Variants in SPOCK3 observed in about 807,000 individuals in gnomAD.
The protein encoded by SPOCK3 is testican-3.
SPOCK3 carries 30 observed loss-of-function variants against 56.6 expected under a neutral mutation model. The ratio of observed to expected loss-of-function variants is 0.53; its 90% confidence interval spans 0.40 to 0.72. The LOEUF (loss-of-function observed/expected upper bound fraction) is 0.72, where lower values mean the gene tolerates loss of function less well. SPOCK3 is among the 30% of genes least tolerant of loss of function. The pLI is 0.00. For synonymous variants in SPOCK3, 196 were observed against 183.3 expected (o/e 1.07, Z -0.56); for missense variants, 527 against 530.0 (o/e 0.99, Z 0.06).
intron 2 of SPOCK3, among the ~76,000 whole-genome samples, chr4:167,207,228 T>C (rs1734434629): frequency 6.6e-6 from 1 of 152,112 alleles, no homozygotes; most frequent in Non-Finnish European, 1.5e-5. Flanking sequence ...GTTTATATAA[T>C]ATTGTGATTT....
At chr4:167,042,839 G>A (rs549715877) in intron 3 of SPOCK3, among the ~76,000 whole-genome samples, 3 of 152,112 alleles carry the variant, frequency 2.0e-5, no homozygotes, top group Non-Finnish European at 4.4e-5. Flanking sequence ...TGATACCTAA[G>A]GGTCAAGTAA....
At chr4:167,020,025 T>C (rs73861921) in intron 3 of SPOCK3, among the ~76,000 whole-genome samples, 4,008 of 152,174 alleles carry the variant, frequency 0.026, 160 homozygotes, top group African/African-American at 0.09. Flanking sequence ...GGAAATACTA[T>C]TGGATGTTAC....
intron 4 of SPOCK3, among the ~76,000 whole-genome samples, chr4:166,952,628 C>A (rs1437976391): frequency 2.0e-5 from 3 of 152,154 alleles, no homozygotes; most frequent in Non-Finnish European, 2.9e-5. Context: ...ATCGTCAAGG[C>A]AATCCTAAGT....
intron 4 of SPOCK3, among the ~76,000 whole-genome samples, chr4:166,941,540 A>C (rs1561034317): frequency 6.6e-6 from 1 of 152,168 alleles, no homozygotes; most frequent in South Asian, 2.1e-4. Flanking sequence ...ATCTGTGGGT[A>C]GTTGGCCTCT....
intron 7 of SPOCK3, among the ~76,000 whole-genome samples, chr4:166,767,136 C>A (rs1738199859): frequency 6.6e-6 from 1 of 152,026 alleles, no homozygotes; most frequent in Admixed American, 6.6e-5. Flanking sequence ...TTTCAAAAAA[C>A]CAGCTTCTGG....
At chr4:167,057,611 A>C (rs980062480) in intron 3 of SPOCK3, among the ~76,000 whole-genome samples, 1 of 152,130 alleles carries the variant, frequency 6.6e-6, no homozygotes, top group African/African-American at 2.4e-5. Flanking sequence ...GCAAATGGAA[A>C]ACAAAAAAAG....
intron 2 of SPOCK3, chr4:167,119,715 A>G: frequency 1.0e-6 from 1 of 1,003,748 alleles, no homozygotes; most frequent in Non-Finnish European, 1.5e-6. Flanking sequence ...ATTTAAATAG[A>G]GAACGTTATG....
intron 3 of SPOCK3, among the ~76,000 whole-genome samples, chr4:167,058,462 C>A (rs1227557273): frequency 6.6e-6 from 1 of 152,062 alleles, no homozygotes; most frequent in Non-Finnish European, 1.5e-5. Context: ...AGGACCTCTT[C>A]AAGGAGAACT....
intron 2 of SPOCK3, among the ~76,000 whole-genome samples, chr4:167,112,213 T>C (rs1346747798): frequency 6.6e-6 from 1 of 152,154 alleles, no homozygotes; most frequent in Non-Finnish European, 1.5e-5. Context: ...CTAAATCATA[T>C]GAATCCCCTA....
intron 2 of SPOCK3, among the ~76,000 whole-genome samples, chr4:167,087,192 T>C (rs142126764): frequency 0.012 from 1,851 of 152,274 alleles, 21 homozygotes; most frequent in Non-Finnish European, 0.018. Flanking sequence ...CTCTATGAGG[T>C]ACAGTTGTTA....
intron 4 of SPOCK3, among the ~76,000 whole-genome samples, chr4:166,921,596 A>C (rs1056321132): frequency 6.6e-6 from 1 of 152,084 alleles, no homozygotes; most frequent in Non-Finnish European, 1.5e-5. Flanking sequence ...GATTACAGGC[A>C]TGAGCCACTG....
intron 7 of SPOCK3, among the ~76,000 whole-genome samples, chr4:166,781,863 G>A (rs1486024441): frequency 1.3e-5 from 2 of 151,706 alleles, no homozygotes; most frequent in African/African-American, 4.8e-5. Context: ...GCATGACAGG[G>A]GTAACATGCT....
rs77702709 is a variant in SPOCK3, at chr4:166,998,646, C to G, written c.350+1703G>C. On this transcript the variant is annotated intron_variant, in intron 4 of 10. Transcript: ENST00000357545. ...ACAGACATGATATTAACTGCGACGT[C>G]TTTGGTTGCTCTTTGACTTGGGTTC... is the stretch of plus-strand genomic sequence containing the variant. 7.7e-3 allele frequency among the ~76,000 whole-genome samples: 1,171 copies of G among 152,220 alleles called. 12 individuals are homozygous for G. The highest frequency in any genetic ancestry group is 0.027 in the African/African-American group (1,101 of 41,544).
At chr4:166,838,091 C>G (rs1239808943) in intron 6 of SPOCK3, among the ~76,000 whole-genome samples, 1 of 151,824 alleles carries the variant, frequency 6.6e-6, no homozygotes, top group Admixed American at 6.6e-5. Context: ...TCATTGTTTC[C>G]CAGATTCTTT....
At chr4:167,020,666 C>A (rs1170828908) in intron 3 of SPOCK3, among the ~76,000 whole-genome samples, 2 of 151,986 alleles carry the variant, frequency 1.3e-5, no homozygotes. Flanking sequence ...ATTTCCCAGC[C>A]TCTAGATCTG....
intron 7 of SPOCK3, 132 bp from the exon 8 acceptor site, chr4:166,754,861 C>A (rs1736868610): frequency 2.7e-6 from 2 of 733,494 alleles, no homozygotes; most frequent in Non-Finnish European, 2.2e-6. Context: ...GCATTAAATT[C>A]ATCATGAGTA....
intron 2 of SPOCK3, among the ~76,000 whole-genome samples, chr4:167,094,764 A>G (rs1263164208): frequency 6.6e-6 from 1 of 152,156 alleles, no homozygotes; most frequent in Non-Finnish European, 1.5e-5. Context: ...ATTCATATGT[A>G]TTTTCTATAT....
At chr4:167,074,943 A>G (rs1757038373) in intron 2 of SPOCK3, among the ~76,000 whole-genome samples, 1 of 151,938 alleles carries the variant, frequency 6.6e-6, no homozygotes, top group Non-Finnish European at 1.5e-5. Flanking sequence ...GTAACGATCA[A>G]ATCAGGGAAA....
At chr4:166,940,715 G>C (rs1740953131) in intron 4 of SPOCK3, among the ~76,000 whole-genome samples, 1 of 149,876 alleles carries the variant, frequency 6.7e-6, no homozygotes, top group African/African-American at 2.5e-5. Context: ...AGACAGCAAA[G>C]ATCAGCACTT....
Sources: gnomAD v4.1 joint callset for allele counts (sites outside exome capture counted in the v4.1 genomes callset) on GRCh38, gnomAD v4.1.1 for gene constraint, MANE v1.5 for transcripts, NCBI Gene and HGNC (gene_info 2026-07-23, HGNC 2026-07-21) for gene names.